SH3PXD2A: variants seen among roughly 807,000 people sequenced by gnomAD.
The protein encoded by SH3PXD2A is SH3 and PX domains 2A.
SH3PXD2A carries 32 observed loss-of-function variants against 115.2 expected under a neutral mutation model. The ratio of observed to expected loss-of-function variants is 0.28; its 90% CI spans 0.21 to 0.37. SH3PXD2A has a LOEUF of 0.37. SH3PXD2A is among the 10% of genes least tolerant of loss of function. SH3PXD2A has a pLI of 1.00. For missense variants in SH3PXD2A, 1,328 were observed against 1,498.7 expected (o/e 0.89, Z 1.88); for synonymous variants, 610 against 629.1 (o/e 0.97, Z 0.45).
chr10:103,780,163 G>A (rs2038919115), intron 2 of SH3PXD2A, among the ~76,000 whole-genome samples: 1 of 152,232 alleles, frequency 6.6e-6, no homozygotes, highest in African/African-American at 2.4e-5. Flanking sequence ...GCGGGCCTGG[G>A]CCCAGGCTGC....
At chr10:103,652,691 T>C (rs952350084) in intron 8 of SH3PXD2A, among the ~76,000 whole-genome samples, 2 of 152,142 alleles carry the variant, frequency 1.3e-5, no homozygotes, top group Non-Finnish European at 2.9e-5. Flanking sequence ...GGGGTGATCT[T>C]TTCCCTGCAC....
intron 6 of SH3PXD2A, among the ~76,000 whole-genome samples, chr10:103,671,782 G>A (rs968439985): frequency 1.3e-5 from 2 of 152,172 alleles, no homozygotes; most frequent in Admixed American, 6.5e-5. Flanking sequence ...GGGAGGCGGG[G>A]GGCGCAGCCA....
In SH3PXD2A at chr10:103,603,019, C is replaced by G. The variant is rs762690039; in HGVS notation, c.2199G>C (p.Lys733Asn). The G allele has an allele frequency of 1.6e-5, 26 of 1,614,142 alleles. No homozygotes were observed. Among genetic ancestry groups the G allele is most frequent in the Non-Finnish European group, 2.1e-5 (25 of 1,180,046 alleles). The change falls in exon 15 of 15, where the codon AAG becomes AAC. Residue 733 changes from lysine to asparagine, a missense_variant. Coordinates refer to ENST00000369774, the MANE Select transcript of SH3PXD2A (RefSeq NM_001394015.1). ...CATCAGCATCCTTCTTTGCCCTGAC[C>G]TTGGGAGTGCCGCGGATGCCTGCGT... is the stretch of plus-strand genomic sequence containing the variant. ...ASDAGIRGTP[K>N]VRAKKDADAN...
At chr10:103,791,358 A>G (rs183489148) in intron 2 of SH3PXD2A, among the ~76,000 whole-genome samples, 3 of 152,348 alleles carry the variant, frequency 2.0e-5, no homozygotes, top group Admixed American at 2.0e-4. Context: ...CCTGGATCAA[A>G]TGCACACAAC....
At chr10:103,703,620 G>A (rs1016982965) in intron 5 of SH3PXD2A, among the ~76,000 whole-genome samples, 67 of 152,314 alleles carry the variant, frequency 4.4e-4, no homozygotes, top group African/African-American at 1.3e-3. Context: ...AGAATTCTCC[G>A]GGGTAATGGA....
At chr10:103,706,624 A>G (rs146976534) in intron 5 of SH3PXD2A, among the ~76,000 whole-genome samples, 1 of 152,288 alleles carries the variant, frequency 6.6e-6, no homozygotes, top group Non-Finnish European at 1.5e-5. Flanking sequence ...GGCTGGTTAT[A>G]ATCGTGTTTC....
At chr10:103,827,131 G>C (rs957026938) in intron 1 of SH3PXD2A, among the ~76,000 whole-genome samples, 15 of 152,172 alleles carry the variant, frequency 9.9e-5, no homozygotes, top group Admixed American at 5.2e-4. Flanking sequence ...CAGGGTGGAT[G>C]AGGGGTGGGA....
intron 6 of SH3PXD2A, among the ~76,000 whole-genome samples, chr10:103,685,534 GGCAAAA>G (rs2037667002): frequency 6.6e-6 from 1 of 152,038 alleles, no homozygotes; most frequent in South Asian, 2.1e-4. Flanking sequence ...CCGGAGAAAG[GGCAAAA>G]GCTGAAACCA....
chr10:103,650,162 A>AGCAGCAGCTCAGCAGCG (rs57722046), intron 8 of SH3PXD2A, among the ~76,000 whole-genome samples: 12 of 151,584 alleles, frequency 7.9e-5, no homozygotes, highest in South Asian at 6.3e-4. Context: ...AGGCCAGGTG[A>AGCAGCAGCTCAGCAGCG]GCAGCAGCTC....
At chr10:103,781,977 C>G (rs1047507505) in intron 2 of SH3PXD2A, among the ~76,000 whole-genome samples, 1 of 152,174 alleles carries the variant, frequency 6.6e-6, no homozygotes, top group Non-Finnish European at 1.5e-5. Flanking sequence ...ACGATGGGAA[C>G]CCACCGCCTC....
Position 103,595,229 on chromosome 10 carries a change from T to G in SH3PXD2A, c.*6587A>C, listed in dbSNP as rs1314322411. ...TGGCAGTTTTTTCCTAGCCAGTTTC[T>G]GTGGCCAAATTTGGAGGATTTTCCA... On this transcript the variant is annotated 3_prime_UTR_variant, in exon 15 of 15. Coordinates refer to ENST00000369774, the MANE Select transcript of SH3PXD2A (RefSeq NM_001394015.1). 1 of 152,234 alleles carries G rather than the reference T, an allele frequency of 6.6e-6. No individual in the cohort carries two copies. Among genetic ancestry groups the G allele is most frequent in the Non-Finnish European group, 1.5e-5 (1 of 68,050 alleles). The allele number at this position is 152,234 out of a possible 1,614,324, so 9.4% of individuals were successfully genotyped here.
At chr10:103,848,620 C>A (rs975523969) in intron 1 of SH3PXD2A, among the ~76,000 whole-genome samples, 1 of 152,160 alleles carries the variant, frequency 6.6e-6, no homozygotes, top group African/African-American at 2.4e-5. Flanking sequence ...TTTCCTTGCA[C>A]GTTCCACCTC....
chr10:103,634,223 G>C (rs1044568073), intron 8 of SH3PXD2A, among the ~76,000 whole-genome samples: 7 of 152,194 alleles, frequency 4.6e-5, no homozygotes. Flanking sequence ...GAAGAGGAGA[G>C]GATGCCTCCA....
At chr10:103,686,577 C>T (rs1378567100) in intron 6 of SH3PXD2A, among the ~76,000 whole-genome samples, 1 of 152,094 alleles carries the variant, frequency 6.6e-6, no homozygotes, top group Non-Finnish European at 1.5e-5. Flanking sequence ...CACAAAACCC[C>T]TCAAAGGGCA....
At chr10:103,652,430 G>A (rs2037140936) in intron 8 of SH3PXD2A, among the ~76,000 whole-genome samples, 2 of 152,210 alleles carry the variant, frequency 1.3e-5, no homozygotes, top group African/African-American at 4.8e-5. Context: ...CCCAGAGGAT[G>A]AGGTTATGGA....
intron 4 of SH3PXD2A, among the ~76,000 whole-genome samples, chr10:103,733,904 T>C (rs1300582626): frequency 2.0e-5 from 3 of 150,788 alleles, no homozygotes; most frequent in Admixed American, 2.0e-4. Context: ...AGGTGTGTGC[T>C]ACCACGCCTG....
chr10:103,608,150 T>TTAAAAAAAAAAAAAAAAGTTTAC (rs2036356171), intron 13 of SH3PXD2A, among the ~76,000 whole-genome samples: 3 of 32,670 alleles, frequency 9.2e-5, no homozygotes, highest in Admixed American at 8.3e-4. Context: ...ATGATCAATT[T>TTAAAAAAAAAAAAAAAAGTTTAC]AAAAAAAAAA....
intron 2 of SH3PXD2A, among the ~76,000 whole-genome samples, chr10:103,793,944 A>T (rs936006775): frequency 3.9e-5 from 6 of 152,218 alleles, no homozygotes; most frequent in Non-Finnish European, 5.9e-5. Flanking sequence ...TATAAATTTA[A>T]TGAATAGAAA....
At chr10:103,734,229 C>A (rs1019096916) in intron 4 of SH3PXD2A, among the ~76,000 whole-genome samples, 5 of 152,132 alleles carry the variant, frequency 3.3e-5, no homozygotes, top group African/African-American at 1.2e-4. Flanking sequence ...ACCTTATTTG[C>A]CACATTATAA....
Sources: allele counts gnomAD v4.1 joint callset (sites outside exome capture counted in the v4.1 genomes callset), GRCh38; gene constraint gnomAD v4.1.1; transcripts MANE v1.5; gene names NCBI Gene and HGNC (gene_info 2026-07-23, HGNC 2026-07-21).